Variants in SIRPG observed in about 807,000 individuals in gnomAD.
The protein encoded by SIRPG is signal-regulatory protein gamma.
In SIRPG, 38 loss-of-function variants were observed where a neutral mutation model predicts 35.7. The ratio of observed to expected loss-of-function variants is 1.06; its 90% CI spans 0.82 to 1.40. The LOEUF is 1.40. Among genes scored for constraint, SIRPG ranks in the 40% most tolerant of loss-of-function variants. The probability of loss-of-function intolerance (pLI) is 0.00; values close to 1 mark genes in which losing one functional copy is unlikely to be tolerated. For missense variants in SIRPG, 519 were observed against 483.0 expected (o/e 1.07, Z -0.70); for synonymous variants, 215 against 190.4 (o/e 1.13, Z -1.06).
At chr20:1,643,615 G>A (rs540129831) in intron 2 of SIRPG, among the ~76,000 whole-genome samples, 1 of 152,306 alleles carries the variant, frequency 6.6e-6, no homozygotes, top group African/African-American at 2.4e-5. Flanking sequence ...CACCCCTGCT[G>A]GAGACTCATT....
intron 4 of SIRPG, among the ~76,000 whole-genome samples, chr20:1,634,693 G>A (rs2091778389): frequency 6.6e-6 from 1 of 152,112 alleles, no homozygotes; most frequent in African/African-American, 2.4e-5. Context: ...AATAAGGGAA[G>A]GCAAAGGACT....
At chr20:1,646,044 G>A (rs2091895143) in intron 2 of SIRPG, 2 of 152,182 alleles carry the variant, frequency 1.3e-5, no homozygotes, top group Non-Finnish European at 2.9e-5. Flanking sequence ...AGGAGTTCAT[G>A]ATGATCACCA....
chr20:1,657,596 G>A (rs747650745), intron 1 of SIRPG, 46 bp downstream of exon 1: 2 of 1,586,062 alleles, frequency 1.3e-6, no homozygotes, highest in South Asian at 2.2e-5. Context: ...GCAAGGCTAG[G>A]TCCAGGAAGC....
intron 4 of SIRPG, among the ~76,000 whole-genome samples, chr20:1,631,514 CTGCCTCCCCATTTCCTGAGGCA>C (rs1396026690): frequency 6.6e-6 from 1 of 152,232 alleles, no homozygotes; most frequent in Non-Finnish European, 1.5e-5. Context: ...TCCTACAGTC[CTGCCTCCCCATTTCCTGAGGCA>C]TGCTGACCCT....
At chr20:1,642,759 G>A (rs569627481) in intron 2 of SIRPG, among the ~76,000 whole-genome samples, 8 of 152,272 alleles carry the variant, frequency 5.3e-5, no homozygotes, top group African/African-American at 1.7e-4. Context: ...TTGCAAAGCA[G>A]GCCTGGTGGT....
intron 2 of SIRPG, among the ~76,000 whole-genome samples, chr20:1,644,175 A>T (rs1161747403): frequency 6.6e-6 from 1 of 152,152 alleles, no homozygotes; most frequent in Non-Finnish European, 1.5e-5. Context: ...CAGCAGGAAA[A>T]ACTAAGTCTG....
intron 4 of SIRPG, among the ~76,000 whole-genome samples, chr20:1,631,236 G>C (rs1282881783): frequency 1.3e-5 from 2 of 152,164 alleles, no homozygotes; most frequent in Non-Finnish European, 2.9e-5. Flanking sequence ...CAGCATCTGT[G>C]GCTGCTGGGG....
Position 1,630,232 on chromosome 20 carries a change from T to A in SIRPG, c.1156A>T (p.Lys386Ter). 1 of 1,567,408 alleles carries A rather than the reference T, an allele frequency of 6.4e-7. No homozygotes were observed. Residue 386 changes from lysine to a stop codon, truncating the protein, a stop_gained, in exon 5 of 6, where the codon AAG (lysine) becomes TAG (stop). Coordinates refer to ENST00000303415, the MANE Select transcript of SIRPG (RefSeq NM_018556.4). LOFTEE classifies it high-confidence loss of function. Reference protein sequence around the residue: ...LGPIYVPWKQKT With the variant: ...LGPIYVPWKQ ...CTTCCTTGTACTTACAGTCAGGTCTTCTGCTTCCAGGGGACGTAGATGGGG... is the reference window on the plus strand; with the variant it reads ...CTTCCTTGTACTTACAGTCAGGTCTACTGCTTCCAGGGGACGTAGATGGGG...
At chr20:1,652,141 C>T (rs1195408185) in intron 1 of SIRPG, among the ~76,000 whole-genome samples, 1 of 152,066 alleles carries the variant, frequency 6.6e-6, no homozygotes, top group African/African-American at 2.4e-5. Flanking sequence ...GCTTCTAACG[C>T]AAAACAAAAA....
At chr20:1,635,042 C>CAA (rs11479458) in intron 4 of SIRPG, among the ~76,000 whole-genome samples, 2 of 142,796 alleles carry the variant, frequency 1.4e-5, no homozygotes, top group Non-Finnish European at 3.1e-5. Flanking sequence ...GACTCCGTCT[C>CAA]AAAAAAAAAA....
chr20:1,632,018 A>C (rs1568722294), intron 4 of SIRPG, among the ~76,000 whole-genome samples: 2 of 152,162 alleles, frequency 1.3e-5, no homozygotes, highest in South Asian at 4.1e-4. Context: ...TGGGCCCTGG[A>C]CATCATTAAA....
chr20:1,676,218 T>C, the SIRPG span, among the ~76,000 whole-genome samples: 1 of 152,204 alleles, frequency 6.6e-6, no homozygotes, highest in Non-Finnish European at 1.5e-5. Context: ...CGATTGCTAA[T>C]GATCTAGGAA....
At chr20:1,681,185 A>G in the SIRPG span, among the ~76,000 whole-genome samples, 2 of 152,218 alleles carry the variant, frequency 1.3e-5, no homozygotes, top group Non-Finnish European at 2.9e-5. Flanking sequence ...AGAAAGCAGA[A>G]GAGCCCAGGA....
At chr20:1,654,365 A>G (rs2091962430) in intron 1 of SIRPG, among the ~76,000 whole-genome samples, 1 of 152,222 alleles carries the variant, frequency 6.6e-6, no homozygotes, top group Non-Finnish European at 1.5e-5. Flanking sequence ...AATGGATCAG[A>G]GCAGAGAGCC....
chr20:1,667,295 CAT>C, the SIRPG span, among the ~76,000 whole-genome samples: 2 of 152,188 alleles, frequency 1.3e-5, no homozygotes, highest in African/African-American at 4.8e-5. Flanking sequence ...AGCAAGAGGC[CAT>C]ACCATATGGC....
chr20:1,634,163 G>A (rs1178589049), intron 4 of SIRPG, among the ~76,000 whole-genome samples: 1 of 151,242 alleles, frequency 6.6e-6, no homozygotes, highest in Non-Finnish European at 1.5e-5. Flanking sequence ...GGACACAGAA[G>A]AGGTCCGTTC....
chr20:1,658,820 T>C (rs2091988199), upstream of SIRPG, among the ~76,000 whole-genome samples: 1 of 152,286 alleles, frequency 6.6e-6, no homozygotes, highest in Non-Finnish European at 1.5e-5. Flanking sequence ...CCAGTGGCTT[T>C]CTCCCAGCAA....
chr20:1,642,802 G>A (rs1358215034), intron 2 of SIRPG, among the ~76,000 whole-genome samples: 2 of 152,164 alleles, frequency 1.3e-5, no homozygotes, highest in Admixed American at 1.3e-4. Flanking sequence ...TGTTTGGAAA[G>A]GATTGTATTT....
At chr20:1,685,273 C>A in the SIRPG span, among the ~76,000 whole-genome samples, 1 of 152,130 alleles carries the variant, frequency 6.6e-6, no homozygotes, top group South Asian at 2.1e-4. Context: ...CTGAATGTGT[C>A]CCCCAAAATG....
Sources: allele counts gnomAD v4.1 joint callset (sites outside exome capture counted in the v4.1 genomes callset), GRCh38; gene constraint gnomAD v4.1.1; transcripts MANE v1.5; gene names NCBI Gene and HGNC (gene_info 2026-07-23, HGNC 2026-07-21).